Variants in WDHD1 observed in about 807,000 individuals in gnomAD.
The protein encoded by WDHD1 is WD repeat and HMG-box DNA binding protein 1.
Under a neutral mutation model 135.4 loss-of-function variants are expected in WDHD1, and 111 were observed. That is an observed-to-expected ratio of 0.82 (90% CI 0.70 to 0.96). The LOEUF is 0.96. Ranked by LOEUF, WDHD1 falls within the 40% of genes least tolerant of loss-of-function variation. The pLI, the probability that WDHD1 is intolerant of heterozygous loss-of-function variation, is 0.00. For missense variants in WDHD1, 1,351 were observed against 1,336.3 expected, an observed-to-expected ratio of 1.01 and a Z score of -0.17; for synonymous variants, 434 against 439.0, an observed-to-expected ratio of 0.99 and a Z score of 0.14.
intron 24 of WDHD1, among the ~76,000 whole-genome samples, chr14:54,949,718 A>G (rs2041007855): frequency 1.3e-5 from 2 of 152,244 alleles, no homozygotes; most frequent in African/African-American, 4.8e-5. Flanking sequence ...ACCAAAGTTG[A>G]AATGAAAGAA....
At chr14:54,945,984 T>G (rs1486623387) in intron 24 of WDHD1, among the ~76,000 whole-genome samples, 3 of 152,170 alleles carry the variant, frequency 2.0e-5, no homozygotes, top group Non-Finnish European at 4.4e-5. Flanking sequence ...TTTGCCCAAT[T>G]TCTGAAAATA....
intron 24 of WDHD1, among the ~76,000 whole-genome samples, chr14:54,950,221 C>G (rs1318336272): frequency 2.0e-5 from 3 of 152,050 alleles, no homozygotes; most frequent in Non-Finnish European, 4.4e-5. Context: ...GAGTCAAGAC[C>G]CATCAGTGTG....
intron 18 of WDHD1, 146 bp from the exon 19 acceptor site, chr14:54,963,318 A>C: frequency 1.5e-6 from 1 of 680,148 alleles, no homozygotes; most frequent in Non-Finnish European, 2.5e-6. Flanking sequence ...TACAAGTTTT[A>C]ACATCTCTGA....
intron 21 of WDHD1, 82 bp downstream of exon 21, chr14:54,962,416 A>G: frequency 9.8e-7 from 1 of 1,019,218 alleles, no homozygotes; most frequent in Non-Finnish European, 1.5e-6. Flanking sequence ...CTTAAGAGTT[A>G]AGGTGTATTT....
intron 10 of WDHD1, among the ~76,000 whole-genome samples, chr14:54,996,583 G>A (rs1339396702): frequency 1.3e-5 from 2 of 152,124 alleles, no homozygotes; most frequent in African/African-American, 4.8e-5. Flanking sequence ...CTGGGTGACA[G>A]AGTGAGACCC....
intron 24 of WDHD1, among the ~76,000 whole-genome samples, chr14:54,950,211 G>A (rs552371404): frequency 2.8e-4 from 43 of 152,284 alleles, no homozygotes; most frequent in African/African-American, 8.7e-4. Context: ...ATTGGATAAA[G>A]AGTCAAGACC....
At chr14:54,966,726 T>C in intron 17 of WDHD1, 120 bp from the exon 18 acceptor site, 2 of 1,123,712 alleles carry the variant, frequency 1.8e-6, no homozygotes, top group Non-Finnish European at 2.4e-6. Flanking sequence ...TTCCTTTCTA[T>C]AAGTTTATTT....
chr14:54,945,088 G>C (rs899011677), intron 24 of WDHD1, among the ~76,000 whole-genome samples: 5 of 152,134 alleles, frequency 3.3e-5, no homozygotes, highest in Admixed American at 2.6e-4. Context: ...CTTAGCCCTT[G>C]TGGCCTACCA....
intron 21 of WDHD1, among the ~76,000 whole-genome samples, chr14:54,959,323 G>T (rs571677066): frequency 2.0e-5 from 3 of 150,486 alleles, no homozygotes; most frequent in East Asian, 2.0e-4. Flanking sequence ...GCTTGGGTCT[G>T]GGGGGTTGAG....
At chr14:55,013,439 C>T (rs767047924) in intron 3 of WDHD1, 46 bp downstream of exon 3, 1 of 1,299,376 alleles carries the variant, frequency 7.7e-7, no homozygotes, top group Non-Finnish European at 1.1e-6. Flanking sequence ...ATAAAAATCA[C>T]ATGCCAGTAT....
Position 54,991,354 on chromosome 14 carries a change from C to G in WDHD1, c.1200G>C (p.Glu400Asp). Residue 400 changes from glutamate to aspartate, a missense_variant, in exon 12 of 26, where the codon GAG (glutamate) becomes GAC (aspartate). By Grantham distance (45) the Glu-to-Asp change is conservative. This residue lies in a region of WDHD1 where 1,330 missense variants were observed against 1,296.1 expected (regional missense o/e 1.03). Transcript: ENST00000360586. ...KTGSSLLKEE[E>D]EDGQEGSIHN... ...GAATGCTGCCTTCTTGACCATCTTCCTCCTCCTCTTTGAGAAGACTAGAAC... is the reference window on the plus strand; with the variant it reads ...GAATGCTGCCTTCTTGACCATCTTCGTCCTCCTCTTTGAGAAGACTAGAAC... 1 of 1,614,102 alleles carries G rather than the reference C, an allele frequency of 6.2e-7. No individual in the cohort carries two copies. Among genetic ancestry groups the G allele is most frequent in the Non-Finnish European group, 8.5e-7 (1 of 1,179,992 alleles).
At chr14:54,969,069 C>T (rs1357762620) in intron 16 of WDHD1, among the ~76,000 whole-genome samples, 1 of 151,950 alleles carries the variant, frequency 6.6e-6, no homozygotes. Context: ...GACGGAGTCT[C>T]GCTTTGTTGC....
chr14:55,008,781 T>A, intron 4 of WDHD1, 62 bp from the exon 5 acceptor site: 2 of 1,105,810 alleles, frequency 1.8e-6, no homozygotes, highest in Non-Finnish European at 2.7e-6. Flanking sequence ...TCCTAAAAGC[T>A]ATGATCCAAA....
chr14:55,014,647 G>C (rs113966992), intron 2 of WDHD1, among the ~76,000 whole-genome samples: 1 of 151,766 alleles, frequency 6.6e-6, no homozygotes, highest in East Asian at 1.9e-4. Flanking sequence ...TACTCATTTA[G>C]TATGTGCCCT....
intron 18 of WDHD1, 123 bp downstream of exon 18, chr14:54,966,352 C>CAAAA: frequency 9.7e-6 from 12 of 1,232,146 alleles, no homozygotes; most frequent in South Asian, 1.8e-5. Context: ...ACAACAACAA[C>CAAAA]AACAAAAAAA....
intron 13 of WDHD1, among the ~76,000 whole-genome samples, chr14:54,987,887 A>C (rs983690632): frequency 1.3e-5 from 2 of 152,204 alleles, no homozygotes; most frequent in African/African-American, 2.4e-5. Flanking sequence ...TTGGCCTCCC[A>C]AAGTGCCGGG....
At chr14:54,956,899 G>A in intron 23 of WDHD1, 135 bp downstream of exon 23, 1 of 1,136,386 alleles carries the variant, frequency 8.8e-7, no homozygotes. Context: ...TGCAAAAACA[G>A]AATTGAACCC....
At chr14:54,974,487 TG>T (rs1210896397) in intron 16 of WDHD1, among the ~76,000 whole-genome samples, 5 of 119,882 alleles carry the variant, frequency 4.2e-5, no homozygotes, top group African/African-American at 2.0e-4. Context: ...AAACCTGTTT[TG>T]TTTTGTTTTT....
chr14:54,996,257 T>C (rs1456177808), intron 10 of WDHD1, among the ~76,000 whole-genome samples: 2 of 152,186 alleles, frequency 1.3e-5, no homozygotes, highest in African/African-American at 4.8e-5. Flanking sequence ...AGTTAGTGTT[T>C]TGATACTTAT....
Sources: allele counts gnomAD v4.1 joint callset (sites outside exome capture counted in the v4.1 genomes callset), GRCh38; gene constraint gnomAD v4.1.1; regional missense constraint gnomAD v4.1.1; transcripts MANE v1.5; gene names NCBI Gene and HGNC (gene_info 2026-07-23, HGNC 2026-07-21).